Variants in CREB3L2 observed in about 807,000 individuals in gnomAD.
CREB3L2 encodes the protein cAMP responsive element binding protein 3 like 2.
In CREB3L2, 23 loss-of-function variants were observed where a neutral mutation model predicts 57.2. The observed-to-expected ratio is 0.40, with a 90% CI of 0.29 to 0.57. The LOEUF is 0.57. Ranked by LOEUF, CREB3L2 falls within the 20% of genes least tolerant of loss-of-function variation. CREB3L2 has a pLI of 0.42. For missense variants in CREB3L2, 628 were observed against 634.7 expected (o/e 0.99, Z 0.11); for synonymous variants, 268 against 265.1 (o/e 1.01, Z -0.11).
chr7:137,908,548 G>C (rs1799940983), intron 4 of CREB3L2, 112 bp from the exon 5 acceptor site: 1 of 673,622 alleles, frequency 1.5e-6, no homozygotes, highest in African/African-American at 1.9e-5. Context: ...GACCTGGACA[G>C]ATCTCCAAGG....
intron 1 of CREB3L2, among the ~76,000 whole-genome samples, chr7:137,963,644 C>G (rs1463350742): frequency 6.6e-6 from 1 of 152,142 alleles, no homozygotes; most frequent in South Asian, 2.1e-4. Flanking sequence ...TCCTCCTTCA[C>G]GAACTGTATT....
chr7:137,921,766 A>T (rs1250329241), intron 2 of CREB3L2, among the ~76,000 whole-genome samples: 1 of 152,178 alleles, frequency 6.6e-6, no homozygotes, highest in Non-Finnish European at 1.5e-5. Context: ...TTTTATTCCT[A>T]AGCACAGTTA....
intron 1 of CREB3L2, among the ~76,000 whole-genome samples, chr7:137,970,394 A>C (rs1160635436): frequency 2.0e-5 from 3 of 152,238 alleles, no homozygotes; most frequent in Non-Finnish European, 4.4e-5. Flanking sequence ...GGCATGTGCC[A>C]AAAACCACAG....
Position 137,875,602 on chromosome 7 carries a change from G to A in CREB3L2, c.*4874C>T, listed in dbSNP as rs1168399334. On this transcript the variant is annotated 3_prime_UTR_variant, in exon 12 of 12. Coordinates refer to ENST00000330387, the MANE Select transcript of CREB3L2 (RefSeq NM_194071.4). ...GGGAAGCGATGAGCATCACACAGCA[G>A]GGCCATTGCAGGGGACAGGTGCTGT... is the stretch of plus-strand genomic sequence containing the variant. 4 of 224,762 alleles carry A rather than the reference G, an allele frequency of 1.8e-5. No homozygotes were observed. The highest frequency in any genetic ancestry group is 2.7e-5 in the Non-Finnish European group (3 of 112,790). The allele number at this position is 224,762 out of a possible 1,614,324, so 13.9% of individuals were successfully genotyped here.
At position 137,878,911 on chromosome 7, in the gene CREB3L2, G is replaced by T; in HGVS notation, c.*1565C>A. 1 of 399,376 alleles carries T rather than the reference G, an allele frequency of 2.5e-6. No homozygotes were observed. Among genetic ancestry groups the T allele is most frequent in the Non-Finnish European group, 4.7e-6 (1 of 214,346 alleles). 24.7% of individuals were successfully genotyped at this position (399,376 alleles called of 1,614,324 possible). On this transcript the variant is annotated 3_prime_UTR_variant, in exon 12 of 12. Transcript: ENST00000330387. ...CAATAACAATGCAGATGACGTGTGT[G>T]GGGGTGGGTGGTGGGGGGAGAGAGA...
chr7:137,948,535 G>A (rs1801041648), intron 1 of CREB3L2, among the ~76,000 whole-genome samples: 2 of 152,106 alleles, frequency 1.3e-5, no homozygotes, highest in South Asian at 4.1e-4. Flanking sequence ...CTATTAGACT[G>A]TTTACTTACT....
rs146419753 is a variant in CREB3L2 at position 137,990,524 on chromosome 7, G to C, written c.102+11080C>G. Among the ~76,000 whole-genome samples, 136 of 152,308 alleles carry C rather than the reference G, an allele frequency of 8.9e-4. 2 individuals carry two copies. In the East Asian group the frequency reaches 0.024, roughly 27 times the overall value. On this transcript the variant is annotated intron_variant, in intron 1 of 11. Transcript: ENST00000330387. Reference sequence around the variant, plus strand: ...TATCCCCTGCCTAGAACAGGCACATGCTTAGACAAGCAGCTTGTTAAGTTC... The same window carrying C: ...TATCCCCTGCCTAGAACAGGCACATCCTTAGACAAGCAGCTTGTTAAGTTC...
chr7:137,994,381 G>T (rs967968299), intron 1 of CREB3L2, among the ~76,000 whole-genome samples: 1 of 152,118 alleles, frequency 6.6e-6, no homozygotes, highest in Admixed American at 6.5e-5. Flanking sequence ...ACCTGCTGTC[G>T]ATCCCAAACA....
At chr7:137,904,111 C>T (rs1799829204) in intron 6 of CREB3L2, 94 bp from the exon 7 acceptor site, 1 of 1,023,220 alleles carries the variant, frequency 9.8e-7, no homozygotes, top group East Asian at 2.4e-5. Flanking sequence ...GTCACCAAAG[C>T]CCTGCTTACT....
intron 2 of CREB3L2, among the ~76,000 whole-genome samples, chr7:137,917,036 A>T (rs1800153058): frequency 6.6e-6 from 1 of 151,844 alleles, no homozygotes; most frequent in South Asian, 2.1e-4. Context: ...ACTTTCAGAG[A>T]CTCTGCTTAG....
At chr7:137,947,771 C>A (rs1486933304) in intron 1 of CREB3L2, among the ~76,000 whole-genome samples, 1 of 152,162 alleles carries the variant, frequency 6.6e-6, no homozygotes, top group Non-Finnish European at 1.5e-5. Flanking sequence ...TTTTGAAATG[C>A]TCAAAGTAGA....
At chr7:137,994,514 T>C (rs1418267573) in intron 1 of CREB3L2, among the ~76,000 whole-genome samples, 1 of 152,190 alleles carries the variant, frequency 6.6e-6, no homozygotes, top group African/African-American at 2.4e-5. Flanking sequence ...CATCTCCTAG[T>C]TAGTGAGTCA....
At chr7:137,978,834 C>A (rs1801656935) in intron 1 of CREB3L2, among the ~76,000 whole-genome samples, 1 of 152,192 alleles carries the variant, frequency 6.6e-6, no homozygotes, top group Admixed American at 6.5e-5. Context: ...GCTCAGGAAA[C>A]ATCTATGGAA....
At chr7:137,882,148 G>C (rs1301015577) in intron 11 of CREB3L2, among the ~76,000 whole-genome samples, 1 of 152,172 alleles carries the variant, frequency 6.6e-6, no homozygotes, top group African/African-American at 2.4e-5. Flanking sequence ...AGGGATTCAA[G>C]CACTTCTTTG....
In CREB3L2 at chr7:137,923,096, G is replaced by A. The variant is rs182120861; in HGVS notation, c.319+5054C>T. Among the ~76,000 whole-genome samples, 3 of 152,268 alleles carry A rather than the reference G, an allele frequency of 2.0e-5. No individual in the cohort carries two copies. The East Asian group carries it at 5.8e-4, about 29-fold the overall frequency. ...CAGTATTGAATGGCATGAAGAGGTG[G>A]TGATAGTAGTAGAAACAGAAAATAT... On this transcript the variant is annotated intron_variant, in intron 2 of 11. Transcript: ENST00000330387.
intron 8 of CREB3L2, among the ~76,000 whole-genome samples, chr7:137,892,753 C>G (rs926677997): frequency 9.2e-5 from 14 of 152,042 alleles, no homozygotes; most frequent in African/African-American, 3.1e-4. Flanking sequence ...TCCCACCCCA[C>G]CCGAGTCACA....
chr7:137,951,183 G>C (rs1801087268), intron 1 of CREB3L2, among the ~76,000 whole-genome samples: 1 of 152,068 alleles, frequency 6.6e-6, no homozygotes, highest in Non-Finnish European at 1.5e-5. Flanking sequence ...TGTGCTTTTT[G>C]TTGGTGACGT....
intron 8 of CREB3L2, among the ~76,000 whole-genome samples, chr7:137,893,515 A>G (rs73152563): frequency 0.018 from 2,694 of 152,316 alleles, 35 homozygotes; most frequent in Non-Finnish European, 0.027. Flanking sequence ...TTGTCAGTCT[A>G]AGAGAGAAGA....
At chr7:137,921,987 G>A (rs1800290394) in intron 2 of CREB3L2, among the ~76,000 whole-genome samples, 2 of 151,280 alleles carry the variant, frequency 1.3e-5, no homozygotes, top group South Asian at 4.2e-4. Context: ...TGCTGCCCAG[G>A]CTGGTCTCAA....
Sources: allele counts gnomAD v4.1 joint callset (sites outside exome capture counted in the v4.1 genomes callset), GRCh38; gene constraint gnomAD v4.1.1; transcripts MANE v1.5; gene names NCBI Gene and HGNC (gene_info 2026-07-23, HGNC 2026-07-21).